PDE1C: variants seen among roughly 807,000 people sequenced by gnomAD.
The protein encoded by PDE1C is dual specificity calcium/calmodulin-dependent 3',5'-cyclic nucleotide phosphodiesterase 1C.
PDE1C carries 62 observed loss-of-function variants against 93.1 expected under a neutral mutation model. That is an observed-to-expected ratio of 0.67 (90% confidence interval 0.54 to 0.82). The LOEUF (loss-of-function observed/expected upper bound fraction) is 0.82. Among genes scored for constraint, PDE1C ranks in the 40% least tolerant of loss-of-function variants. The pLI, the probability that PDE1C is intolerant of heterozygous loss-of-function variation, is 0.00. For synonymous variants in PDE1C, 325 were observed against 310.1 expected, an observed-to-expected ratio of 1.05 and a Z score of -0.50; for missense variants, 742 against 884.6, an observed-to-expected ratio of 0.84 and a Z score of 2.04.
At chr7:31,762,855 A>C (rs1454522719) in intron 17 of PDE1C, among the ~76,000 whole-genome samples, 1 of 152,194 alleles carries the variant, frequency 6.6e-6, no homozygotes, top group Non-Finnish European at 1.5e-5. Context: ...TGACCCAACC[A>C]GCATTTCCAG....
intron 2 of PDE1C, among the ~76,000 whole-genome samples, chr7:32,005,873 AC>A (rs1241163903): frequency 1.2e-4 from 18 of 152,180 alleles, no homozygotes; most frequent in African/African-American, 3.9e-4. Context: ...TGCATTTGCT[AC>A]CTTTTTTTTC....
intron 3 of PDE1C, among the ~76,000 whole-genome samples, chr7:32,111,313 T>C (rs748139798): frequency 1.3e-5 from 2 of 152,212 alleles, no homozygotes; most frequent in Non-Finnish European, 2.9e-5. Flanking sequence ...TCTGAGACAC[T>C]AAAGACAGTA....
intron 3 of PDE1C, among the ~76,000 whole-genome samples, chr7:32,083,684 G>A (rs1305847954): frequency 2.0e-5 from 3 of 152,112 alleles, no homozygotes; most frequent in Non-Finnish European, 4.4e-5. Context: ...AGAAGAGAGT[G>A]GGGTCCAATA....
intron 16 of PDE1C, among the ~76,000 whole-genome samples, chr7:31,797,509 A>G (rs1489280380): frequency 6.6e-6 from 1 of 151,788 alleles, no homozygotes; most frequent in African/African-American, 2.4e-5. Flanking sequence ...TCATTACTAA[A>G]AACAGTTAAG....
chr7:32,399,833 T>C (rs511935), intron 1 of PDE1C, among the ~76,000 whole-genome samples: 141,798 of 151,954 alleles, frequency 0.93, 66,734 homozygotes, highest in East Asian at 1. Context: ...ATCCTCCCAT[T>C]TCGGCCTCTC....
chr7:32,082,027 G>A (rs1219227281), intron 3 of PDE1C, among the ~76,000 whole-genome samples: 2 of 152,230 alleles, frequency 1.3e-5, no homozygotes, highest in African/African-American at 4.8e-5. Context: ...AGTGGGTGCA[G>A]CGCACCATGC....
intron 2 of PDE1C, among the ~76,000 whole-genome samples, chr7:32,003,941 A>G (rs1410948259): frequency 6.6e-6 from 1 of 152,206 alleles, no homozygotes; most frequent in African/African-American, 2.4e-5. Context: ...AAGAGTGAGG[A>G]AGACCTTTCT....
intron 2 of PDE1C, among the ~76,000 whole-genome samples, chr7:31,911,272 TTTAATA>T (rs1227826115): frequency 1.2e-4 from 18 of 152,172 alleles, no homozygotes; most frequent in African/African-American, 3.1e-4. Context: ...ACTAGGATGT[TTTAATA>T]TTAATATTAA....
At chr7:31,863,181 T>C (rs1794880994) in intron 7 of PDE1C, among the ~76,000 whole-genome samples, 1 of 152,202 alleles carries the variant, frequency 6.6e-6, no homozygotes, top group Non-Finnish European at 1.5e-5. Context: ...AGTTTCCTTT[T>C]TATTGTTTTT....
intron 3 of PDE1C, among the ~76,000 whole-genome samples, chr7:32,123,053 A>AC (rs1799384709): frequency 6.6e-6 from 1 of 152,214 alleles, no homozygotes; most frequent in Admixed American, 6.5e-5. Context: ...CCACAGAAAT[A>AC]CAAACTACCA....
At chr7:32,407,223 C>T (rs1481277660) in intron 1 of PDE1C, among the ~76,000 whole-genome samples, 2 of 152,032 alleles carry the variant, frequency 1.3e-5, no homozygotes, top group Non-Finnish European at 2.9e-5. Flanking sequence ...TGCAGTGAGC[C>T]GAGATCATGC....
chr7:31,766,499 A>G (rs1037425910), intron 17 of PDE1C, among the ~76,000 whole-genome samples: 1 of 152,230 alleles, frequency 6.6e-6, no homozygotes, highest in Admixed American at 6.5e-5. Flanking sequence ...TAATTTTTAC[A>G]TTTGCTTAAA....
the PDE1C span, among the ~76,000 whole-genome samples, chr7:31,721,833 G>A: frequency 1.3e-5 from 2 of 152,192 alleles, no homozygotes; most frequent in African/African-American, 4.8e-5. Flanking sequence ...ACCTAAAGGG[G>A]CTGGAAGGAA....
At chr7:32,381,245 C>G (rs1414614026) in intron 1 of PDE1C, among the ~76,000 whole-genome samples, 2 of 151,854 alleles carry the variant, frequency 1.3e-5, no homozygotes, top group Non-Finnish European at 2.9e-5. Flanking sequence ...CCAGCACTCT[C>G]TCTAGGCTGT....
At chr7:32,256,952 GT>G (rs1809837638) in intron 1 of PDE1C, among the ~76,000 whole-genome samples, 1 of 152,128 alleles carries the variant, frequency 6.6e-6, no homozygotes, top group African/African-American at 2.4e-5. Context: ...TCATTTTGAG[GT>G]TGATCCCGGG....
At chr7:31,831,222 T>C (rs1331028262) in intron 11 of PDE1C, among the ~76,000 whole-genome samples, 3 of 152,200 alleles carry the variant, frequency 2.0e-5, no homozygotes, top group Non-Finnish European at 2.9e-5. Context: ...GAGAAAGGCA[T>C]TGTGATGTTG....
chr7:31,621,139 C>G, the PDE1C span, among the ~76,000 whole-genome samples: 3 of 151,882 alleles, frequency 2.0e-5, no homozygotes, highest in Non-Finnish European at 4.4e-5. Flanking sequence ...GATTGGTGTA[C>G]CTGAAAGTGA....
chr7:31,744,142 A>G, the PDE1C span, among the ~76,000 whole-genome samples: 3 of 152,154 alleles, frequency 2.0e-5, no homozygotes, highest in African/African-American at 7.2e-5. Context: ...AATATCATGG[A>G]TATTGTCATT....
intron 1 of PDE1C, among the ~76,000 whole-genome samples, chr7:32,384,080 CCT>C (rs1784582311): frequency 4.6e-5 from 7 of 152,152 alleles, no homozygotes; most frequent in Admixed American, 3.9e-4. Context: ...CAAAAAGAGC[CCT>C]CTCATTCACC....
Sources: gnomAD v4.1 joint callset for allele counts (sites outside exome capture counted in the v4.1 genomes callset) on GRCh38, gnomAD v4.1.1 for gene constraint, MANE v1.5 for transcripts, NCBI Gene and HGNC (gene_info 2026-07-23, HGNC 2026-07-21) for gene names.